The following ADGRL4 variants were observed in gnomAD, a reference collection of about 807,000 sequenced individuals.
ADGRL4 encodes adhesion G protein-coupled receptor L4.
ADGRL4 carries 90 observed loss-of-function variants against 74.8 expected under a neutral mutation model. That is an observed-to-expected ratio of 1.20 (90% CI 1.02 to 1.43). The LOEUF is 1.43. Ranked by LOEUF, ADGRL4 falls within the 40% of genes most tolerant of loss-of-function variation. The pLI is 0.00. For missense variants in ADGRL4, 881 were observed against 814.3 expected (o/e 1.08, Z -1.00); for synonymous variants, 311 against 279.2 (o/e 1.11, Z -1.14).
intron 2 of ADGRL4, among the ~76,000 whole-genome samples, chr1:78,992,642 C>T (rs1010626078): frequency 3.3e-5 from 5 of 152,052 alleles, no homozygotes; most frequent in Admixed American, 3.3e-4. Flanking sequence ...TGCTTTTCAT[C>T]TATGCTCAAT....
rs951788229 is a variant in ADGRL4, at chr1:78,947,066, C to T, written c.173-640G>A. On this transcript the variant is annotated intron_variant, in intron 2 of 14. Transcript: ENST00000370742. ...AGGTTCATAAAACCTTTTTAAACAT[C>T]AGAGAGCAGATTTATATTATCTGTT... 3.9e-5 allele frequency among the ~76,000 whole-genome samples: 6 copies of T among 152,034 alleles called. No individual in the cohort carries two copies. The East Asian group carries it at 1.2e-3, about 29-fold the overall frequency.
At chr1:79,003,653 G>A (rs1409048763) in intron 2 of ADGRL4, among the ~76,000 whole-genome samples, 2 of 151,914 alleles carry the variant, frequency 1.3e-5, no homozygotes, top group Non-Finnish European at 2.9e-5. Flanking sequence ...GGCTGCTAAA[G>A]GTCCAAAATG....
chr1:78,944,688 G>A (rs113733478), intron 3 of ADGRL4, among the ~76,000 whole-genome samples: 1 of 152,074 alleles, frequency 6.6e-6, no homozygotes, highest in Admixed American at 6.6e-5. Flanking sequence ...AAATAACAAA[G>A]GGTTTTTAGA....
intron 12 of ADGRL4, among the ~76,000 whole-genome samples, chr1:78,916,907 A>G (rs1648883788): frequency 6.6e-6 from 1 of 151,908 alleles, no homozygotes. Context: ...TTCAGGACTT[A>G]GAAATGCTCT....
intron 4 of ADGRL4, among the ~76,000 whole-genome samples, chr1:78,938,966 G>A (rs1404457681): frequency 6.6e-6 from 1 of 152,020 alleles, no homozygotes; most frequent in Admixed American, 6.6e-5. Flanking sequence ...TAATGAAAAT[G>A]TAGCATATGA....
intron 3 of ADGRL4, among the ~76,000 whole-genome samples, chr1:78,940,428 A>G (rs1649452097): frequency 1.3e-5 from 2 of 152,166 alleles, no homozygotes; most frequent in Non-Finnish European, 2.9e-5. Context: ...AAAGCCATGT[A>G]TTGAGGCTGT....
At chr1:78,910,821 T>A (rs763703862) in intron 12 of ADGRL4, among the ~76,000 whole-genome samples, 14 of 151,800 alleles carry the variant, frequency 9.2e-5, no homozygotes, top group Non-Finnish European at 2.1e-4. Flanking sequence ...AATCTTAACA[T>A]TTTAAATGTA....
At chr1:78,954,228 G>A (rs1409760384) in intron 2 of ADGRL4, among the ~76,000 whole-genome samples, 3 of 152,034 alleles carry the variant, frequency 2.0e-5, no homozygotes, top group Admixed American at 6.6e-5. Context: ...TTAGGGTGAG[G>A]GTGGAGCACA....
At chr1:78,986,197 A>C (rs1650491500) in intron 2 of ADGRL4, among the ~76,000 whole-genome samples, 2 of 148,382 alleles carry the variant, frequency 1.3e-5, no homozygotes, top group Non-Finnish European at 3.1e-5. Context: ...AATAATAATA[A>C]CAATCACATA....
intron 2 of ADGRL4, among the ~76,000 whole-genome samples, chr1:78,962,742 A>AT (rs915900348): frequency 9.6e-4 from 144 of 150,716 alleles, no homozygotes; most frequent in African/African-American, 2.7e-3. Flanking sequence ...AACTTCAGTG[A>AT]TTTTTTTTTT....
chr1:78,937,172 T>G (rs966750557), intron 6 of ADGRL4, among the ~76,000 whole-genome samples: 1 of 152,178 alleles, frequency 6.6e-6, no homozygotes, highest in Non-Finnish European at 1.5e-5. Context: ...CGGCTGGGCA[T>G]GGTGGCTCAT....
At chr1:78,912,793 A>C (rs1036648422) in intron 12 of ADGRL4, among the ~76,000 whole-genome samples, 3 of 151,932 alleles carry the variant, frequency 2.0e-5, no homozygotes, top group Non-Finnish European at 4.4e-5. Context: ...GGCAAATGTG[A>C]ACTAATTAAA....
chr1:78,960,779 C>T (rs1649935925), intron 2 of ADGRL4, among the ~76,000 whole-genome samples: 1 of 152,248 alleles, frequency 6.6e-6, no homozygotes, highest in South Asian at 2.1e-4. Context: ...TTACCCCTTC[C>T]ACCCTGCAAG....
intron 2 of ADGRL4, among the ~76,000 whole-genome samples, chr1:78,975,230 A>T (rs1385676634): frequency 2.6e-5 from 4 of 152,122 alleles, no homozygotes; most frequent in African/African-American, 9.7e-5. Context: ...AGTGAGTGGG[A>T]CCAAAATGAT....
chr1:78,934,055 C>A, intron 7 of ADGRL4, among the ~76,000 whole-genome samples: 1 of 152,060 alleles, frequency 6.6e-6, no homozygotes, highest in East Asian at 1.9e-4. Context: ...GACTATTTCA[C>A]AGAATTAGAA....
Position 78,903,267 on chromosome 1 carries a change from G to A in ADGRL4, c.1750-10078C>T, listed in dbSNP as rs12119875. Among the ~76,000 whole-genome samples the A allele has an allele frequency of 7.9e-5, 12 of 152,224 alleles. No homozygotes were observed. The South Asian group carries it at 1.7e-3, about 21-fold the overall frequency. On this transcript the variant is annotated intron_variant, in intron 12 of 14. Transcript: ENST00000370742. The stretch of plus-strand genomic sequence containing the variant: ...TCTTACACTATTTAGTTTTAATAAA[G>A]TAATCCTAATGAAATGGACAAATAA...
intron 12 of ADGRL4, among the ~76,000 whole-genome samples, chr1:78,893,536 A>G (rs1049125621): frequency 1.3e-5 from 2 of 151,922 alleles, no homozygotes; most frequent in African/African-American, 4.8e-5. Flanking sequence ...CTTTGAAGAA[A>G]TGTGTTAGTG....
intron 2 of ADGRL4, among the ~76,000 whole-genome samples, chr1:78,994,213 T>A (rs1570277819): frequency 6.6e-6 from 1 of 152,210 alleles, no homozygotes; most frequent in South Asian, 2.1e-4. Flanking sequence ...CTGAGTTTAA[T>A]CATTTATGCA....
At chr1:78,972,111 C>T (rs1650182511) in intron 2 of ADGRL4, among the ~76,000 whole-genome samples, 1 of 152,110 alleles carries the variant, frequency 6.6e-6, no homozygotes, top group Non-Finnish European at 1.5e-5. Flanking sequence ...CATGTAGATG[C>T]CATACAAATA....
Sources: gnomAD v4.1 joint callset for allele counts (sites outside exome capture counted in the v4.1 genomes callset) on GRCh38, gnomAD v4.1.1 for gene constraint, MANE v1.5 for transcripts, NCBI Gene and HGNC (gene_info 2026-07-23, HGNC 2026-07-21) for gene names.